Variants in PTPRN2 observed in about 807,000 individuals in gnomAD.
PTPRN2 encodes protein tyrosine phosphatase receptor type N2, also known as receptor-type tyrosine-protein phosphatase N2.
Under a neutral mutation model 118.8 loss-of-function variants are expected in PTPRN2, and 74 were observed. The ratio of observed to expected loss-of-function variants is 0.62; its 90% CI spans 0.52 to 0.76. The LOEUF (loss-of-function observed/expected upper bound fraction) is 0.76. Among genes scored for constraint, PTPRN2 ranks in the 30% least tolerant of loss-of-function variants. The pLI, the probability that PTPRN2 is intolerant of heterozygous loss-of-function variation, is 0.00. For synonymous variants in PTPRN2, 641 were observed against 608.0 expected (o/e 1.05, Z -0.80); for missense variants, 1,481 against 1,394.4 (o/e 1.06, Z -0.99).
At chr7:157,818,481 C>T (rs1295965902) in intron 12 of PTPRN2, among the ~76,000 whole-genome samples, 5 of 149,078 alleles carry the variant, frequency 3.4e-5, no homozygotes, top group East Asian at 1.9e-4. Context: ...ACATCTTCAA[C>T]GATGAGGAAG....
intron 2 of PTPRN2, among the ~76,000 whole-genome samples, chr7:158,362,829 G>T (rs1432801341): frequency 6.6e-6 from 1 of 152,168 alleles, no homozygotes; most frequent in Non-Finnish European, 1.5e-5. Flanking sequence ...CACTTCTGGG[G>T]CCCAAACATC....
chr7:157,943,332 C>T (rs1057072224), intron 11 of PTPRN2, among the ~76,000 whole-genome samples: 2 of 152,144 alleles, frequency 1.3e-5, no homozygotes, highest in Non-Finnish European at 2.9e-5. Context: ...TCCCATGCCC[C>T]CTCCCATGCC....
In PTPRN2 at chr7:158,402,755, T is replaced by C. The variant is rs142638787; in HGVS notation, c.164-85823A>G. Among the ~76,000 whole-genome samples, 3 of 152,272 alleles carry C rather than the reference T, an allele frequency of 2.0e-5. 1 individual carries two copies. Among genetic ancestry groups the C allele is most frequent in the Admixed American group, 1.3e-4 (2 of 15,294 alleles). ...CCGCCCTAGAGGGATCCAAGGGCCA[T>C]GGCCAGGCAGGGTGGTGTCATGGAC... On this transcript the variant is annotated intron_variant, in intron 2 of 22. Transcript: ENST00000389418.
intron 1 of PTPRN2, among the ~76,000 whole-genome samples, chr7:158,520,450 G>A (rs1007862357): frequency 2.6e-5 from 4 of 152,240 alleles, no homozygotes; most frequent in South Asian, 2.1e-4. Flanking sequence ...CATGCCCTTC[G>A]GTAGACAGTT....
intron 21 of PTPRN2, among the ~76,000 whole-genome samples, chr7:157,551,052 C>T (rs1798573612): frequency 6.6e-6 from 1 of 152,164 alleles, no homozygotes; most frequent in African/African-American, 2.4e-5. Flanking sequence ...CTCCTCCTCC[C>T]ACGGACACTC....
chr7:157,987,148 C>T lies in PTPRN2; in HGVS notation c.1724-88411G>A, dbSNP rs1412423163. On this transcript the variant is annotated intron_variant, in intron 11 of 22. Transcript: ENST00000389418. This position sits in a 1 kb window ranked among gnomAD's most constrained non-coding sequence, Gnocchi z 4.3. ...ACAGCTGCACTGCCCCAGCACGCCG[C>T]CCACGCTTGGTCGGCAACACAGAGA... is the stretch of plus-strand genomic sequence containing the variant. Among the ~76,000 whole-genome samples, 1 of 152,174 alleles carries T rather than the reference C, an allele frequency of 6.6e-6. No individual in the cohort carries two copies. The highest frequency in any genetic ancestry group is 2.4e-5 in the African/African-American group (1 of 41,450).
intron 19 of PTPRN2, 144 bp from the exon 20 acceptor site, chr7:157,571,637 C>A: frequency 1.7e-6 from 1 of 602,958 alleles, no homozygotes; most frequent in Non-Finnish European, 2.9e-6. Flanking sequence ...AAAAATCATA[C>A]GCATAATATC....
chr7:158,270,822 C>CCCACCTGGACCGCCCCG lies in PTPRN2; in HGVS notation c.277+45996_277+45997insCGGGGCGGTCCAGGTGG, dbSNP rs1491357930. 1.9e-4 allele frequency among the ~76,000 whole-genome samples: 2 copies of CCCACCTGGACCGCCCCG among 10,332 alleles called. 1 individual carries two copies. Among genetic ancestry groups the CCCACCTGGACCGCCCCG allele is most frequent in the Non-Finnish European group, 4.0e-4 (2 of 5,060 alleles). 6.8% of individuals were successfully genotyped at this position (10,332 alleles called of 152,430 possible). A position where few individuals can be genotyped will look rare whatever the true frequency, so the allele number is the denominator to read the frequency against. Reference sequence around the variant, plus strand: ...ACCACCCCCTCACCTGGACCGCCCCCTCCACCTGGATGACCCCCTCACCTG... The same window carrying CCCACCTGGACCGCCCCG: ...ACCACCCCCTCACCTGGACCGCCCCCCCACCTGGACCGCCCCGTCCACCTGGATGACCCCCTCACCTG... On this transcript the variant is annotated intron_variant, in intron 3 of 22. Coordinates refer to ENST00000389418, the MANE Select transcript of PTPRN2 (RefSeq NM_002847.5).
intron 2 of PTPRN2, among the ~76,000 whole-genome samples, chr7:158,318,581 C>T (rs947791362): frequency 1.3e-5 from 2 of 152,210 alleles, no homozygotes; most frequent in Non-Finnish European, 2.9e-5. Flanking sequence ...CGGCCTCTTC[C>T]GATCCCTGAG....
chr7:158,062,503 C>G (rs1275205500), intron 11 of PTPRN2, among the ~76,000 whole-genome samples: 2 of 152,236 alleles, frequency 1.3e-5, no homozygotes, highest in African/African-American at 4.8e-5. Context: ...CACTGCTGCA[C>G]CATGGGAGCC....
In PTPRN2 at chr7:157,611,681, G is replaced by T. The variant is rs952348302; in HGVS notation, c.2345-7606C>A. Among the ~76,000 whole-genome samples, 1 of 151,830 alleles carries T rather than the reference G, an allele frequency of 6.6e-6. No individual in the cohort carries two copies. Among genetic ancestry groups the T allele is most frequent in the Non-Finnish European group, 1.5e-5 (1 of 67,892 alleles). ...GAAGAAGGACTCTGCACACCCACAC[G>T]GGAGGGAGAGCGCCCGTGTGAAGAC... On this transcript the variant is annotated intron_variant, in intron 15 of 22. Transcript: ENST00000389418. The surrounding 1 kb of genome is among the most constrained non-coding windows in gnomAD (Gnocchi z 5.9).
At chr7:158,503,721 C>T (rs945990427) in intron 1 of PTPRN2, among the ~76,000 whole-genome samples, 1 of 152,230 alleles carries the variant, frequency 6.6e-6, no homozygotes, top group African/African-American at 2.4e-5. Context: ...TGGGAACTGG[C>T]CAGCCACGGT....
At chr7:157,957,071 G>T (rs1219337959) in intron 11 of PTPRN2, among the ~76,000 whole-genome samples, 1 of 152,194 alleles carries the variant, frequency 6.6e-6, no homozygotes, top group Admixed American at 6.5e-5. Context: ...TTGGGAAATG[G>T]AAATACATTT....
At chr7:157,981,113 C>A (rs1803108353) in intron 11 of PTPRN2, among the ~76,000 whole-genome samples, 1 of 152,236 alleles carries the variant, frequency 6.6e-6, no homozygotes, top group African/African-American at 2.4e-5. Context: ...CAGAAAGGCT[C>A]CTCATATACC....
At chr7:157,650,824 A>G (rs1805603947) in intron 14 of PTPRN2, among the ~76,000 whole-genome samples, 1 of 152,238 alleles carries the variant, frequency 6.6e-6, no homozygotes, top group African/African-American at 2.4e-5. Flanking sequence ...GACATCTGGC[A>G]TGGTTTCGCG....
chr7:158,141,027 C>G (rs1819333553), intron 6 of PTPRN2, among the ~76,000 whole-genome samples: 1 of 152,112 alleles, frequency 6.6e-6, no homozygotes, highest in African/African-American at 2.4e-5. Flanking sequence ...TCAGTGGGGT[C>G]TCACCACGAC....
chr7:157,588,752 G>A (rs1363558513), intron 17 of PTPRN2, among the ~76,000 whole-genome samples: 1 of 152,188 alleles, frequency 6.6e-6, no homozygotes, highest in Non-Finnish European at 1.5e-5. Context: ...TGTTTATAGA[G>A]ACGTCTTCAT....
intron 12 of PTPRN2, among the ~76,000 whole-genome samples, chr7:157,693,808 C>T (rs1797640214): frequency 6.6e-6 from 1 of 151,220 alleles, no homozygotes; most frequent in African/African-American, 2.5e-5. Flanking sequence ...GGAGCCTCAT[C>T]CAGGCTGGGG....
At chr7:158,452,834 C>G (rs1439140771) in intron 2 of PTPRN2, among the ~76,000 whole-genome samples, 1 of 152,230 alleles carries the variant, frequency 6.6e-6, no homozygotes, top group Non-Finnish European at 1.5e-5. Context: ...AGGAGCATCT[C>G]TTGGAACTGC....
Sources: allele counts gnomAD v4.1 joint callset (sites outside exome capture counted in the v4.1 genomes callset), GRCh38; gene constraint gnomAD v4.1.1; non-coding constraint Gnocchi (gnomAD v3.1); transcripts MANE v1.5; gene names NCBI Gene and HGNC (gene_info 2026-07-23, HGNC 2026-07-21).